Variants in C8orf34 observed in about 807,000 individuals in gnomAD.
C8orf34 encodes uncharacterized protein C8orf34.
A neutral mutation model predicts 68.3 loss-of-function variants in C8orf34; 65 were observed. The ratio of observed to expected loss-of-function variants is 0.95; its 90% CI spans 0.78 to 1.17. The LOEUF (loss-of-function observed/expected upper bound fraction) is 1.17. C8orf34 is among the 50% of genes most tolerant of loss of function. C8orf34 has a pLI of 0.00. For synonymous variants in C8orf34, 244 were observed against 241.2 expected, an observed-to-expected ratio of 1.01 and a Z score of -0.11; for missense variants, 664 against 655.4, an observed-to-expected ratio of 1.01 and a Z score of -0.14.
At chr8:68,330,921 A>T, upstream of C8orf34, 1 of 1,037,116 alleles carries the variant, frequency 9.6e-7, no homozygotes, top group Non-Finnish European at 1.3e-6. Context: ...GCTGCCGCCC[A>T]GAGGAGAAAG....
chr8:68,428,089 CAAAA>C (rs1169146618), intron 1 of C8orf34, among the ~76,000 whole-genome samples: 1 of 150,848 alleles, frequency 6.6e-6, no homozygotes, highest in Non-Finnish European at 1.5e-5. Flanking sequence ...AAAAAGGAAA[CAAAA>C]GAAAATGGAG....
rs1053171236 is a variant in C8orf34, at chr8:68,669,455, C to G, written c.1241+28944C>G. On this transcript the variant is annotated intron_variant, in intron 8 of 13. Coordinates refer to ENST00000518698, the MANE Select transcript of C8orf34 (RefSeq NM_052958.4). Reference sequence around the variant, plus strand: ...ACATATTCATATGTTTTTATGTACCCATTTACTTATTCGTATTCTACTTTA... The same window carrying G: ...ACATATTCATATGTTTTTATGTACCGATTTACTTATTCGTATTCTACTTTA... Among the ~76,000 whole-genome samples, 5 of 152,158 alleles carry G rather than the reference C, an allele frequency of 3.3e-5. No individual in the cohort carries two copies. In the East Asian group the frequency reaches 9.6e-4, roughly 29 times the overall value.
At chr8:68,563,317 CTTTCAGA>C (rs1816490235) in intron 7 of C8orf34, among the ~76,000 whole-genome samples, 1 of 152,016 alleles carries the variant, frequency 6.6e-6, no homozygotes, top group Non-Finnish European at 1.5e-5. Flanking sequence ...AAAAGCTGTC[CTTTCAGA>C]TTTTACAGTT....
chr8:68,434,862 T>C (rs1017814770), intron 1 of C8orf34, among the ~76,000 whole-genome samples: 1 of 151,974 alleles, frequency 6.6e-6, no homozygotes, highest in African/African-American at 2.4e-5. Context: ...CTGACCAACA[T>C]GGTGAAACCC....
chr8:68,562,871 T>G (rs1028319528), intron 7 of C8orf34, among the ~76,000 whole-genome samples: 1 of 152,224 alleles, frequency 6.6e-6, no homozygotes, highest in Non-Finnish European at 1.5e-5. Context: ...GTTCCTAATG[T>G]CTATCAAATG....
intron 5 of C8orf34, among the ~76,000 whole-genome samples, chr8:68,506,555 T>A (rs1312281550): frequency 6.6e-5 from 10 of 152,150 alleles, no homozygotes; most frequent in African/African-American, 2.4e-4. Context: ...TTTTGCCCAT[T>A]TTTATTGCTC....
Position 68,751,743 on chromosome 8 carries a change from C to T in C8orf34, c.1405-24656C>T, listed in dbSNP as rs1372849069. Reference sequence around the variant, plus strand: ...GTAAACAAAAAATATGACAAACAAACTAATGAAAACCACTTCTAAGCCTGC... The same window carrying T: ...GTAAACAAAAAATATGACAAACAAATTAATGAAAACCACTTCTAAGCCTGC... On this transcript the variant is annotated intron_variant, in intron 10 of 13. Transcript: ENST00000518698. 3.3e-5 allele frequency among the ~76,000 whole-genome samples: 5 copies of T among 151,760 alleles called. No homozygotes were observed. The South Asian group carries it at 6.2e-4, about 19-fold the overall frequency.
intron 1 of C8orf34, among the ~76,000 whole-genome samples, chr8:68,357,264 T>C (rs181598373): frequency 3.3e-5 from 5 of 152,282 alleles, no homozygotes; most frequent in Admixed American, 2.6e-4. Flanking sequence ...CTTAGTTGTA[T>C]AGTAATGATA....
chr8:68,486,018 A>G (rs905551032), intron 4 of C8orf34, among the ~76,000 whole-genome samples: 17 of 152,124 alleles, frequency 1.1e-4, no homozygotes, highest in African/African-American at 4.1e-4. Flanking sequence ...ACATGTTTGG[A>G]TTTTTATAAA....
At chr8:68,369,460 C>A (rs1344883455) in intron 1 of C8orf34, among the ~76,000 whole-genome samples, 1 of 152,198 alleles carries the variant, frequency 6.6e-6, no homozygotes, top group Non-Finnish European at 1.5e-5. Flanking sequence ...TTTGCCTCTT[C>A]TTTCTTTTTA....
chr8:68,339,045 A>AT (rs1805966448), intron 1 of C8orf34, among the ~76,000 whole-genome samples: 1 of 151,376 alleles, frequency 6.6e-6, no homozygotes, highest in Non-Finnish European at 1.5e-5. Context: ...TATGTTGCCC[A>AT]TTTTTATTTG....
At chr8:68,739,526 C>T (rs949104130) in intron 10 of C8orf34, among the ~76,000 whole-genome samples, 1 of 152,076 alleles carries the variant, frequency 6.6e-6, no homozygotes, top group Non-Finnish European at 1.5e-5. Context: ...AAGAATACAG[C>T]TAACTAGGGA....
intron 1 of C8orf34, among the ~76,000 whole-genome samples, chr8:68,424,581 T>G (rs1354528967): frequency 6.6e-6 from 1 of 152,088 alleles, no homozygotes; most frequent in Non-Finnish European, 1.5e-5. Flanking sequence ...CAAATATTCT[T>G]GAGATAAATA....
chr8:68,715,308 A>G (rs916870610), intron 9 of C8orf34, among the ~76,000 whole-genome samples: 25 of 152,194 alleles, frequency 1.6e-4, no homozygotes, highest in Non-Finnish European at 2.6e-4. Flanking sequence ...TGCACAGCCA[A>G]AGAAATAATC....
chr8:68,513,069 A>G (rs1471650114), intron 5 of C8orf34, among the ~76,000 whole-genome samples: 1 of 152,214 alleles, frequency 6.6e-6, no homozygotes, highest in Non-Finnish European at 1.5e-5. Context: ...TGTAACCTCA[A>G]AACACTTAGC....
intron 10 of C8orf34, among the ~76,000 whole-genome samples, chr8:68,765,464 A>T (rs73277905): frequency 0.29 from 43,328 of 151,968 alleles, 6,637 homozygotes; most frequent in African/African-American, 0.39. Flanking sequence ...GTTTGGACCC[A>T]CCAATGGAAA....
intron 1 of C8orf34, among the ~76,000 whole-genome samples, chr8:68,369,232 T>C (rs1483739251): frequency 6.6e-6 from 1 of 152,242 alleles, no homozygotes; most frequent in African/African-American, 2.4e-5. Flanking sequence ...CTCTGAACCA[T>C]TCCATTATTC....
At chr8:68,802,375 C>T (rs1387622164) in intron 12 of C8orf34, among the ~76,000 whole-genome samples, 1 of 152,188 alleles carries the variant, frequency 6.6e-6, no homozygotes. Flanking sequence ...GCTGGGATTA[C>T]AGGCGTGAGC....
At chr8:68,493,662 A>C (rs1024543772) in intron 5 of C8orf34, among the ~76,000 whole-genome samples, 2 of 152,214 alleles carry the variant, frequency 1.3e-5, no homozygotes, top group Non-Finnish European at 2.9e-5. Flanking sequence ...TGTAATCCCC[A>C]ATGTAAGAGC....
Sources: allele counts gnomAD v4.1 joint callset (sites outside exome capture counted in the v4.1 genomes callset), GRCh38; gene constraint gnomAD v4.1.1; transcripts MANE v1.5; gene names NCBI Gene and HGNC (gene_info 2026-07-23, HGNC 2026-07-21).